The following RYR2 variants were observed in gnomAD, a reference collection of about 807,000 sequenced individuals.
RYR2 encodes cardiac muscle ryanodine receptor-calcium release channel.
Under a neutral mutation model 601.1 loss-of-function variants are expected in RYR2, and 227 were observed. The ratio of observed to expected loss-of-function variants is 0.38; its 90% CI spans 0.34 to 0.42. The LOEUF is 0.42. Among genes scored for constraint, RYR2 ranks in the 10% least tolerant of loss-of-function variants. RYR2 has a pLI of 1.00. For missense variants in RYR2, 4,646 were observed against 6,156.5 expected (o/e 0.75, Z 8.21); for synonymous variants, 2,223 against 2,175.1 (o/e 1.02, Z -0.61).
chr1:237,042,195 G>C lies in RYR2; in HGVS notation c.-327G>C, dbSNP rs1207475047. ...AGCTGGCTCCGCGCACTTGCTCGGA[G>C]GAGCCGGGGCCGAGCGGACCGCCGG... On this transcript the variant is annotated 5_prime_UTR_variant, in exon 1 of 105. Transcript: ENST00000366574. 1 of 157,442 alleles carries C rather than the reference G, an allele frequency of 6.4e-6. No individual in the cohort carries two copies. Among genetic ancestry groups the C allele is most frequent in the East Asian group, 1.9e-4 (1 of 5,384 alleles). 9.8% of individuals were successfully genotyped at this position (157,442 alleles called of 1,614,324 possible). A position where few individuals can be genotyped will look rare whatever the true frequency, so the allele number is the denominator to read the frequency against.
intron 51 of RYR2, 68 bp downstream of exon 51, chr1:237,651,569 T>C (rs1313575784): frequency 3.0e-6 from 3 of 992,144 alleles, no homozygotes; most frequent in African/African-American, 3.3e-5. Flanking sequence ...TATGACAACA[T>C]ATACATTTCT....
chr1:237,103,766 A>G (rs1299065422), intron 1 of RYR2, among the ~76,000 whole-genome samples: 1 of 152,040 alleles, frequency 6.6e-6, no homozygotes, highest in East Asian at 1.9e-4. Context: ...ACAGGGTTTT[A>G]CCATGTTGGC....
chr1:237,734,564 G>A (rs1422754540), intron 79 of RYR2, among the ~76,000 whole-genome samples: 1 of 152,198 alleles, frequency 6.6e-6, no homozygotes, highest in Non-Finnish European at 1.5e-5. Context: ...GAAGTCTTTG[G>A]CTGTTGAACC....
intron 99 of RYR2, 84 bp from the exon 100 acceptor site, chr1:237,808,817 A>T: frequency 7.5e-7 from 1 of 1,332,988 alleles, no homozygotes; most frequent in Non-Finnish European, 1.1e-6. Flanking sequence ...TTCTCACTAG[A>T]GCACTCGCCG....
chr1:237,424,709 A>G (rs1043595730), intron 12 of RYR2, among the ~76,000 whole-genome samples: 15 of 152,210 alleles, frequency 9.9e-5, no homozygotes, highest in African/African-American at 3.6e-4. Flanking sequence ...ATTATTTCCT[A>G]TTTAGGTAAA....
chr1:237,527,646 C>T (rs1274757320), intron 24 of RYR2, among the ~76,000 whole-genome samples: 5 of 152,128 alleles, frequency 3.3e-5, no homozygotes. Context: ...CCTTTATTCC[C>T]ACATGTCTTC....
intron 16 of RYR2, among the ~76,000 whole-genome samples, chr1:237,461,316 C>T (rs915638237): frequency 2.6e-5 from 4 of 152,140 alleles, no homozygotes; most frequent in African/African-American, 4.8e-5. Flanking sequence ...CTCTTTACCT[C>T]CACTCCTTCT....
chr1:237,197,874 T>C (rs1032995229), intron 1 of RYR2, among the ~76,000 whole-genome samples: 10 of 152,184 alleles, frequency 6.6e-5, no homozygotes, highest in African/African-American at 2.2e-4. Flanking sequence ...GATCTAAGGA[T>C]GTGAGTTTGC....
At chr1:237,560,184 T>C (rs1671307396) in intron 27 of RYR2, among the ~76,000 whole-genome samples, 2 of 152,252 alleles carry the variant, frequency 1.3e-5, no homozygotes, top group African/African-American at 4.8e-5. Context: ...GTCCCAGGAA[T>C]ATGTTGGAGC....
At chr1:237,711,998 G>C (rs1264673252) in intron 71 of RYR2, among the ~76,000 whole-genome samples, 161 bp downstream of exon 71, 1 of 152,060 alleles carries the variant, frequency 6.6e-6, no homozygotes, top group Non-Finnish European at 1.5e-5. Context: ...AAGGTTACTG[G>C]AATTTGTTTG....
In RYR2 at chr1:237,792,284, C is replaced by G. The variant is rs377670364; in HGVS notation, c.13743C>G (p.Val4581=). The change falls in exon 94 of 105, where the codon GTC becomes GTG. Residue 4581 remains valine (V), a synonymous_variant. Transcript: ENST00000366574. ...TLRILAILHT[V]ISFFCIIGYY... ...GTATCTTAGCTATTCTGCACACGGT[C>G]ATTTCTTTCTTCTGCATCATTGGAT... is the stretch of plus-strand genomic sequence containing the variant. 5 of 1,612,248 alleles carry G rather than the reference C, an allele frequency of 3.1e-6. No individual in the cohort carries two copies. The highest frequency in any genetic ancestry group is 1.3e-5 in the African/African-American group (1 of 74,756).
chr1:237,623,350 C>CCTTTCTTTGTTTGTTTCTTT (rs1679263560), intron 38 of RYR2, among the ~76,000 whole-genome samples: 1 of 73,870 alleles, frequency 1.4e-5, no homozygotes, highest in East Asian at 4.0e-4. Flanking sequence ...GGTAGTTGTG[C>CCTTTCTTTGTTTGTTTCTTT]CTTTCTTTGT....
chr1:237,427,782 C>CAAAAA (rs57614793), intron 12 of RYR2, among the ~76,000 whole-genome samples: 28 of 56,220 alleles, frequency 5.0e-4, no homozygotes, highest in African/African-American at 5.6e-4. Flanking sequence ...GACTCTGCCT[C>CAAAAA]AAAAAAAAAA....
chr1:237,052,604 A>C (rs1460484571), intron 1 of RYR2, among the ~76,000 whole-genome samples: 1 of 152,186 alleles, frequency 6.6e-6, no homozygotes, highest in African/African-American at 2.4e-5. Context: ...CTAAGGGATG[A>C]AAATATGTTT....
At chr1:237,692,498 G>A (rs928651869) in intron 63 of RYR2, among the ~76,000 whole-genome samples, 4 of 152,110 alleles carry the variant, frequency 2.6e-5, no homozygotes, top group Non-Finnish European at 5.9e-5. Flanking sequence ...TCTTAACCTA[G>A]CCACATTAGT....
chr1:237,328,031 A>G (rs1197577336), intron 2 of RYR2, among the ~76,000 whole-genome samples: 2 of 152,228 alleles, frequency 1.3e-5, no homozygotes, highest in African/African-American at 4.8e-5. Context: ...GACACTGCCA[A>G]GGGTTGATTG....
chr1:237,171,893 G>A (rs374665580), intron 1 of RYR2, among the ~76,000 whole-genome samples: 2 of 152,244 alleles, frequency 1.3e-5, no homozygotes, highest in Admixed American at 6.5e-5. Flanking sequence ...TTTACCCACC[G>A]GTCTTTCTGT....
Position 237,614,077 on chromosome 1 carries a change from T to C in RYR2, c.4949T>C (p.Leu1650Ser). ...TTAGAGTTGACAGAGCAGGAGGAAT[T>C]GCTGAAATTTCACTATCACACTCTC... is the stretch of plus-strand genomic sequence containing the variant. Reference protein sequence around the residue: ...DILELTEQEELLKFHYHTLRL... With the variant: ...DILELTEQEESLKFHYHTLRL... Residue 1650 changes from leucine (L) to serine (S), a missense_variant, in exon 37 of 105, where the codon TTG (leucine) becomes TCG (serine). Physicochemically the swap from Leu to Ser is moderately radical, Grantham distance 145. This residue lies in a region of RYR2 where 1,807 missense variants were observed against 2,088.1 expected (regional missense o/e 0.87). Transcript: ENST00000366574. The surrounding 1 kb of genome is among the most constrained non-coding windows in gnomAD (Gnocchi z 4.3). 1 of 1,613,924 alleles carries C rather than the reference T, an allele frequency of 6.2e-7. No homozygotes were observed. Among genetic ancestry groups the C allele is most frequent in the South Asian group, 1.1e-5 (1 of 91,086 alleles).
intron 2 of RYR2, among the ~76,000 whole-genome samples, chr1:237,289,032 T>G (rs1572487185): frequency 6.6e-6 from 1 of 152,228 alleles, no homozygotes; most frequent in Admixed American, 6.5e-5. Flanking sequence ...TTGACTCAGC[T>G]CCAGGTAAAG....
Sources: allele counts gnomAD v4.1 joint callset (sites outside exome capture counted in the v4.1 genomes callset), GRCh38; gene constraint gnomAD v4.1.1; regional missense constraint gnomAD v4.1.1; non-coding constraint Gnocchi (gnomAD v3.1); transcripts MANE v1.5; gene names NCBI Gene and HGNC (gene_info 2026-07-23, HGNC 2026-07-21).